Variants in TPRG1 observed in about 807,000 individuals in gnomAD.
The protein encoded by TPRG1 is tumor protein p63-regulated gene 1 protein.
A neutral mutation model predicts 29.3 loss-of-function variants in TPRG1; 29 were observed. The ratio of observed to expected loss-of-function variants is 0.99; its 90% CI spans 0.74 to 1.35. TPRG1 has a LOEUF of 1.35. Ranked by LOEUF, TPRG1 falls within the 40% of genes most tolerant of loss-of-function variation. The probability of loss-of-function intolerance (pLI) is 0.00; values close to 1 mark genes in which losing one functional copy is unlikely to be tolerated. For missense variants in TPRG1, 327 were observed against 335.0 expected (o/e 0.98, Z 0.19); for synonymous variants, 130 against 116.8 (o/e 1.11, Z -0.73).
rs192056067 is a variant in TPRG1 at position 189,050,184 on chromosome 3, A to G, written c.-463+26238A>G. Among the ~76,000 whole-genome samples, 896 of 152,324 alleles carry G rather than the reference A, an allele frequency of 5.9e-3. 15 individuals carry two copies. Among genetic ancestry groups the G allele is most frequent in the African/African-American group, 0.021 (878 of 41,568 alleles). Reference sequence around the variant, plus strand: ...AAAAGAGAAATAAAATTGATAGACCATTGGCAAGATTAACCGAGAAAAGAA... The same window carrying G: ...AAAAGAGAAATAAAATTGATAGACCGTTGGCAAGATTAACCGAGAAAAGAA... On this transcript the variant is annotated intron_variant, in intron 4 of 10. Coordinates refer to the TPRG1 transcript ENST00000433971.
chr3:189,004,548 ACT>A (rs2152121725), exon 3 of TPRG1: 1 of 152,098 alleles, frequency 6.6e-6, no homozygotes, highest in South Asian at 2.1e-4. Flanking sequence ...TTTAGCTCTC[ACT>A]CTCTGGCTGA....
intron 4 of TPRG1, among the ~76,000 whole-genome samples, chr3:189,246,183 GGCAGTTCCTCT>G (rs1305376338): frequency 6.6e-6 from 1 of 151,848 alleles, no homozygotes; most frequent in Non-Finnish European, 1.5e-5. Flanking sequence ...TTTTATAAAG[GGCAGTTCCTCT>G]GCACATGCTC....
intron 4 of TPRG1, among the ~76,000 whole-genome samples, chr3:189,058,214 G>A (rs567816496): frequency 7.9e-4 from 120 of 152,072 alleles, no homozygotes; most frequent in Non-Finnish European, 1.4e-3. Context: ...CGAGGTCCCA[G>A]CGATGACAAG....
In TPRG1 at chr3:189,166,781, T is replaced by C. The variant is rs75802790; in HGVS notation, c.-10+15909T>C. 6.4e-3 allele frequency among the ~76,000 whole-genome samples: 978 copies of C among 152,314 alleles called. 12 individuals carry two copies. The highest frequency in any genetic ancestry group is 0.023 in the African/African-American group (941 of 41,556). On this transcript the variant is annotated intron_variant, in intron 5 of 6. Coordinates refer to the TPRG1 transcript ENST00000412373. ...CCTCAAGCTGTTAGGAGAAGAACTTTAGGTAGGAAGAAAAAAATAATCCAA... is the reference window on the plus strand; with the variant it reads ...CCTCAAGCTGTTAGGAGAAGAACTTCAGGTAGGAAGAAAAAAATAATCCAA...
At chr3:189,037,306 G>T (rs1714334495) in intron 4 of TPRG1, among the ~76,000 whole-genome samples, 1 of 151,752 alleles carries the variant, frequency 6.6e-6, no homozygotes, top group South Asian at 2.1e-4. Flanking sequence ...GAACATGTAT[G>T]ATTTACCTCA....
intron 4 of TPRG1, among the ~76,000 whole-genome samples, chr3:189,148,515 T>C (rs1009788957): frequency 2.0e-5 from 3 of 152,120 alleles, no homozygotes; most frequent in Non-Finnish European, 4.4e-5. Flanking sequence ...GAGGAGAAAG[T>C]TTATTTTAAA....
chr3:189,205,991 G>A (rs1438462950), intron 1 of TPRG1, among the ~76,000 whole-genome samples: 1 of 124,704 alleles, frequency 8.0e-6, no homozygotes, highest in African/African-American at 2.9e-5. Context: ...ATGTGTGCCT[G>A]TATATACATA....
At chr3:189,085,200 G>A (rs563719721) in intron 4 of TPRG1, among the ~76,000 whole-genome samples, 1 of 152,262 alleles carries the variant, frequency 6.6e-6, no homozygotes, top group Non-Finnish European at 1.5e-5. Flanking sequence ...TGGGGCATAG[G>A]TACATTACGG....
chr3:189,219,448 C>T, intron 3 of TPRG1: 1 of 450,316 alleles, frequency 2.2e-6, no homozygotes, highest in Non-Finnish European at 3.5e-6. Flanking sequence ...CTGTTATATA[C>T]ATCTATAAAG....
chr3:189,086,747 G>C (rs1052206346), intron 4 of TPRG1, among the ~76,000 whole-genome samples: 1 of 151,956 alleles, frequency 6.6e-6, no homozygotes. Context: ...CAGGCTGGTC[G>C]AACTCCTGGA....
intron 3 of TPRG1, among the ~76,000 whole-genome samples, chr3:189,009,097 C>T (rs369517389): frequency 1.3e-5 from 2 of 152,170 alleles, no homozygotes; most frequent in East Asian, 3.9e-4. Flanking sequence ...ACAGAGTAGG[C>T]CTACTAAATC....
chr3:189,247,758 T>C (rs551415072), intron 4 of TPRG1, among the ~76,000 whole-genome samples: 1 of 152,104 alleles, frequency 6.6e-6, no homozygotes, highest in South Asian at 2.1e-4. Flanking sequence ...TTGAAGATGA[T>C]CATATATTTA....
At chr3:189,218,781 C>T (rs920490565) in intron 3 of TPRG1, among the ~76,000 whole-genome samples, 1 of 152,180 alleles carries the variant, frequency 6.6e-6, no homozygotes, top group Non-Finnish European at 1.5e-5. Context: ...CGTCTTGAGG[C>T]TGATTGGGTT....
At chr3:189,172,580 G>T (rs188732526) in intron 1 of TPRG1, among the ~76,000 whole-genome samples, 110 of 152,300 alleles carry the variant, frequency 7.2e-4, no homozygotes, top group African/African-American at 2.5e-3. Context: ...AAAGCCAAAA[G>T]AAGTGAAAAG....
chr3:189,246,711 A>G (rs1015932828), intron 4 of TPRG1, among the ~76,000 whole-genome samples: 1 of 152,108 alleles, frequency 6.6e-6, no homozygotes, highest in Non-Finnish European at 1.5e-5. Context: ...TCTTTCTGAA[A>G]ATACTTTTAT....
chr3:189,269,452 C>A lies in TPRG1; in HGVS notation c.479+30543C>A, dbSNP rs530106442. ...ATAGAGGGGAGACCTTACTTAGGTG[C>A]GCCAGTTTAAATACAAGTGAGAAGA... On this transcript the variant is annotated intron_variant, in intron 4 of 5. Transcript: ENST00000345063. Among the ~76,000 whole-genome samples, 16 of 152,114 alleles carry A rather than the reference C, an allele frequency of 1.1e-4. No homozygotes were observed. The South Asian group carries it at 3.1e-3, about 30-fold the overall frequency.
rs371419494 is a variant in TPRG1, at chr3:189,201,094, C to T, written c.-9-6282C>T. ...GAAAGCAGAGACCCGCACCAGACAC[C>T]GATGTGCTGGTGCCTTGATCTTGGA... On this transcript the variant is annotated intron_variant, in intron 1 of 5. Transcript: ENST00000345063. Among the ~76,000 whole-genome samples, 30 of 152,280 alleles carry T rather than the reference C, an allele frequency of 2.0e-4. No individual in the cohort carries two copies. In the East Asian group the frequency reaches 4.1e-3, roughly 21 times the overall value.
chr3:189,134,756 A>G (rs1036300360), intron 3 of TPRG1, among the ~76,000 whole-genome samples: 1 of 152,156 alleles, frequency 6.6e-6, no homozygotes, highest in African/African-American at 2.4e-5. Context: ...ATATGTTAAT[A>G]GAGCCACATG....
chr3:189,031,550 G>A (rs1713935676), intron 4 of TPRG1, among the ~76,000 whole-genome samples: 1 of 152,136 alleles, frequency 6.6e-6, no homozygotes, highest in Admixed American at 6.5e-5. Flanking sequence ...TTACATTGCT[G>A]GCTTTTCTCT....
Sources: allele counts gnomAD v4.1 joint callset (sites outside exome capture counted in the v4.1 genomes callset), GRCh38; gene constraint gnomAD v4.1.1; transcripts MANE v1.5; gene names NCBI Gene and HGNC (gene_info 2026-07-23, HGNC 2026-07-21).